Variants in ANKRD30B observed in about 807,000 individuals in gnomAD.
ANKRD30B encodes ankyrin repeat domain 30B, also known as ankyrin repeat domain-containing protein 30B.
ANKRD30B carries 144 observed loss-of-function variants against 202.2 expected under a neutral mutation model. That is an observed-to-expected ratio of 0.71 (90% CI 0.62 to 0.82). The LOEUF is 0.82. Among genes scored for constraint, ANKRD30B ranks in the 40% least tolerant of loss-of-function variants. The pLI, the probability that ANKRD30B is intolerant of heterozygous loss-of-function variation, is 0.00. For synonymous variants in ANKRD30B, 508 were observed against 561.3 expected (o/e 0.91, Z 1.34); for missense variants, 1,487 against 1,669.1 (o/e 0.89, Z 1.90).
At chr18:14,932,392 C>A in the ANKRD30B span, among the ~76,000 whole-genome samples, 2,211 of 152,034 alleles carry the variant, frequency 0.015, 58 homozygotes, top group African/African-American at 0.051. Flanking sequence ...GCTGGAGTGG[C>A]GTGGCGCGAT....
chr18:14,901,368 G>A, the ANKRD30B span, among the ~76,000 whole-genome samples: 1 of 152,088 alleles, frequency 6.6e-6, no homozygotes, highest in Non-Finnish European at 1.5e-5. Context: ...ATTGGATTAG[G>A]TAAAAACTTA....
At chr18:14,902,866 A>C in the ANKRD30B span, among the ~76,000 whole-genome samples, 1 of 152,330 alleles carries the variant, frequency 6.6e-6, no homozygotes, top group Admixed American at 6.5e-5. Flanking sequence ...CTGCAATCTC[A>C]GTTATGCCAA....
intron 39 of ANKRD30B, among the ~76,000 whole-genome samples, chr18:14,847,738 G>A (rs1428526690): frequency 2.0e-5 from 3 of 151,480 alleles, no homozygotes; most frequent in Admixed American, 6.6e-5. Flanking sequence ...CTGAGGCAAG[G>A]CCTTTCAGAC....
chr18:14,790,601 G>T (rs954068084), intron 15 of ANKRD30B, among the ~76,000 whole-genome samples: 28 of 152,134 alleles, frequency 1.8e-4, no homozygotes, highest in Non-Finnish European at 2.5e-4. Context: ...TAGCATGAAG[G>T]GTTGTTGAAT....
chr18:14,766,484 AAAAAAAAAAAAAAG>A (rs1206592398), intron 7 of ANKRD30B, among the ~76,000 whole-genome samples: 8 of 139,536 alleles, frequency 5.7e-5, no homozygotes, highest in African/African-American at 2.1e-4. Flanking sequence ...AAAAAAAAAA[AAAAAAAAAAAAAAG>A]AAAAGAAAAG....
intron 2 of ANKRD30B, 51 bp downstream of exon 2, chr18:14,752,731 T>C (rs1913657012): frequency 2.6e-6 from 4 of 1,548,426 alleles, no homozygotes; most frequent in African/African-American, 1.4e-5. Flanking sequence ...TTTAAATACA[T>C]AGAATAAAAA....
chr18:14,936,709 T>G, the ANKRD30B span, among the ~76,000 whole-genome samples: 56 of 152,246 alleles, frequency 3.7e-4, 1 homozygote, highest in East Asian at 0.01. Context: ...TCAATCAACG[T>G]TCTTCCACCA....
intron 39 of ANKRD30B, among the ~76,000 whole-genome samples, chr18:14,847,705 T>C (rs1244271877): frequency 6.6e-6 from 1 of 151,574 alleles, no homozygotes; most frequent in Non-Finnish European, 1.5e-5. Context: ...CATTTTTGCT[T>C]TTTATGAGCT....
At chr18:14,792,237 C>T (rs1260574165) in intron 16 of ANKRD30B, among the ~76,000 whole-genome samples, 2 of 152,052 alleles carry the variant, frequency 1.3e-5, no homozygotes, top group Non-Finnish European at 2.9e-5. Flanking sequence ...TAGGACCTTG[C>T]TCTGAGTAGC....
At chr18:14,808,046 G>C (rs1969630349) in intron 24 of ANKRD30B, among the ~76,000 whole-genome samples, 1 of 150,988 alleles carries the variant, frequency 6.6e-6, no homozygotes, top group African/African-American at 2.4e-5. Flanking sequence ...TTGTACCTTT[G>C]AATTCTCATC....
intron 26 of ANKRD30B, among the ~76,000 whole-genome samples, chr18:14,809,382 G>C (rs1485093401): frequency 6.6e-6 from 1 of 150,864 alleles, no homozygotes; most frequent in Non-Finnish European, 1.5e-5. Context: ...GCAAAAGCTG[G>C]TTAGAAACAA....
chr18:14,934,581 T>A, the ANKRD30B span, among the ~76,000 whole-genome samples: 1 of 152,108 alleles, frequency 6.6e-6, no homozygotes, highest in Admixed American at 6.5e-5. Flanking sequence ...GAGCCACCGA[T>A]GCATCAGAGG....
At chr18:14,797,377 A>C (rs1246438836) in intron 18 of ANKRD30B, among the ~76,000 whole-genome samples, 1 of 152,156 alleles carries the variant, frequency 6.6e-6, no homozygotes, top group Non-Finnish European at 1.5e-5. Context: ...CTGTTGGCTC[A>C]TTCTGGCAGT....
chr18:14,849,952 A>C (rs972642964), intron 40 of ANKRD30B, among the ~76,000 whole-genome samples: 10 of 151,642 alleles, frequency 6.6e-5, no homozygotes, highest in African/African-American at 2.4e-4. Flanking sequence ...AGCTTCCAAT[A>C]TTCTTTTCCA....
At chr18:14,875,838 A>T in the ANKRD30B span, among the ~76,000 whole-genome samples, 1 of 152,088 alleles carries the variant, frequency 6.6e-6, no homozygotes, top group African/African-American at 2.4e-5. Flanking sequence ...CCATAGAGAC[A>T]TTCTTTACCC....
At chr18:14,754,642 G>A (rs1460215418) in intron 3 of ANKRD30B, among the ~76,000 whole-genome samples, 1 of 152,032 alleles carries the variant, frequency 6.6e-6, no homozygotes, top group African/African-American at 2.4e-5. Flanking sequence ...GTTTAGATGG[G>A]AAACCATAAA....
chr18:14,864,916 C>G, the ANKRD30B span, among the ~76,000 whole-genome samples: 1 of 151,922 alleles, frequency 6.6e-6, no homozygotes, highest in Non-Finnish European at 1.5e-5. Context: ...ACCCATCTAC[C>G]TCCCCAATTT....
chr18:14,748,394 G>T lies in ANKRD30B; in HGVS notation c.-26G>T. On this transcript the variant is annotated 5_prime_UTR_variant, in exon 1 of 44. Transcript: ENST00000690538. ...GGGGAAGGGCGAGCGGGAGGCGCGG[G>T]CTCTCTCTAGCAGGGGGCTGCAGCC... 7.0e-7 allele frequency: 1 copy of T among 1,418,466 alleles called. No individual in the cohort carries two copies. The highest frequency in any genetic ancestry group is 2.7e-5 in the East Asian group (1 of 36,698). 87.9% of individuals were successfully genotyped at this position (1,418,466 alleles called of 1,614,324 possible).
In ANKRD30B at chr18:14,852,048, T is replaced by C. The variant is rs1228505688; in HGVS notation, c.4104T>C (p.Tyr1368=). 3 of 1,607,700 alleles carry C rather than the reference T, an allele frequency of 1.9e-6. No homozygotes were observed. The East Asian group carries it at 6.7e-5, about 36-fold the overall frequency. Residue 1368 remains tyrosine (Y), a synonymous_variant, in exon 42 of 44, where the codon TAT becomes TAC. Coordinates refer to ENST00000690538, the MANE Select transcript of ANKRD30B (RefSeq NM_001367607.2). The part of the protein sequence containing the change: ...KSKSPKINLN[Y]AGDDLRENAL... ...AAAGCCCAAAAATTAATCTCAATTA[T>C]GCAGGAGATGATCTAAGAGAAAATG...
Sources: gnomAD v4.1 joint callset for allele counts (sites outside exome capture counted in the v4.1 genomes callset) on GRCh38, gnomAD v4.1.1 for gene constraint, MANE v1.5 for transcripts, NCBI Gene and HGNC (gene_info 2026-07-23, HGNC 2026-07-21) for gene names.